The following SNTG1 variants were observed in gnomAD, a reference collection of about 807,000 sequenced individuals.
The protein encoded by SNTG1 is gamma-1-syntrophin.
SNTG1 carries 39 observed loss-of-function variants against 74.7 expected under a neutral mutation model. The ratio of observed to expected loss-of-function variants is 0.52; its 90% CI spans 0.40 to 0.68. The LOEUF is 0.68. SNTG1 is among the 30% of genes least tolerant of loss of function. SNTG1 has a pLI of 0.00. For missense variants in SNTG1, 685 were observed against 609.5 expected (o/e 1.12, Z -1.30); for synonymous variants, 254 against 217.1 (o/e 1.17, Z -1.49).
intron 8 of SNTG1, among the ~76,000 whole-genome samples, chr8:50,460,343 C>T (rs1257982666): frequency 6.6e-6 from 1 of 151,992 alleles, no homozygotes; most frequent in African/African-American, 2.4e-5. Context: ...TTGTTTTTTG[C>T]TTGTTCTATT....
At chr8:50,000,893 T>C (rs1814681430) in intron 1 of SNTG1, among the ~76,000 whole-genome samples, 1 of 152,216 alleles carries the variant, frequency 6.6e-6, no homozygotes, top group African/African-American at 2.4e-5. Flanking sequence ...ATCTGAACTC[T>C]TGGCCCTCTG....
chr8:50,259,498 C>CAA lies in SNTG1; in HGVS notation c.-28+86875_-28+86876dup, dbSNP rs1187091123. Among the ~76,000 whole-genome samples, 116 of 18,402 alleles carry CAA rather than the reference C, an allele frequency of 6.3e-3. 15 individuals carry two copies. Among genetic ancestry groups the CAA allele is most frequent in the African/African-American group, 0.017 (106 of 6,242 alleles). The allele number at this position is 18,402 out of a possible 152,430, so 12.1% of individuals were successfully genotyped here. A position where few individuals can be genotyped will look rare whatever the true frequency, so the allele number is the denominator to read the frequency against. On this transcript the variant is annotated intron_variant, in intron 2 of 18. Coordinates refer to ENST00000642720, the MANE Select transcript of SNTG1 (RefSeq NM_018967.5). ...TGGGCGACAGAGAGAGACGCTGTCT[C>CAA]AAAAAAAAAAAAAGAAAGAAAGAAA...
chr8:50,572,264 A>G (rs2094553195), intron 12 of SNTG1, among the ~76,000 whole-genome samples: 1 of 149,204 alleles, frequency 6.7e-6, no homozygotes, highest in Non-Finnish European at 1.5e-5. Flanking sequence ...TATTTTATAT[A>G]TATATATATA....
intron 4 of SNTG1, among the ~76,000 whole-genome samples, chr8:50,408,744 A>T (rs1325791222): frequency 1.3e-5 from 2 of 152,208 alleles, no homozygotes; most frequent in Admixed American, 6.5e-5. Context: ...CGTCATGCCA[A>T]GTAACCCTCT....
At chr8:50,093,917 T>C (rs769277466) in intron 1 of SNTG1, among the ~76,000 whole-genome samples, 2 of 152,146 alleles carry the variant, frequency 1.3e-5, no homozygotes, top group Non-Finnish European at 2.9e-5. Context: ...CTGAAGATTC[T>C]AGTGTGGTTA....
At chr8:50,267,992 C>A (rs958314152) in intron 2 of SNTG1, among the ~76,000 whole-genome samples, 5 of 152,074 alleles carry the variant, frequency 3.3e-5, no homozygotes, top group Non-Finnish European at 7.4e-5. Flanking sequence ...TTACCAATGA[C>A]GTTTTTGACT....
chr8:50,722,806 T>C (rs1378420943), intron 17 of SNTG1, among the ~76,000 whole-genome samples: 1 of 152,176 alleles, frequency 6.6e-6, no homozygotes, highest in Non-Finnish European at 1.5e-5. Flanking sequence ...AAATATTTAA[T>C]TGTATTTTAA....
At chr8:50,620,387 G>A (rs753994144) in intron 13 of SNTG1, among the ~76,000 whole-genome samples, 2 of 152,142 alleles carry the variant, frequency 1.3e-5, no homozygotes, top group Non-Finnish European at 2.9e-5. Context: ...GAAATTCAGG[G>A]TCATGTCAGC....
intron 1 of SNTG1, among the ~76,000 whole-genome samples, chr8:49,953,748 C>T (rs902274424): frequency 2.0e-5 from 3 of 152,040 alleles, no homozygotes; most frequent in Non-Finnish European, 4.4e-5. Context: ...TTGCTGATGT[C>T]GGGTCGCCCA....
chr8:50,752,411 A>T (rs1354213480), intron 18 of SNTG1, among the ~76,000 whole-genome samples: 1 of 152,004 alleles, frequency 6.6e-6, no homozygotes, highest in Non-Finnish European at 1.5e-5. Context: ...GTCCTTTGGT[A>T]GTTTCATTCT....
intron 2 of SNTG1, among the ~76,000 whole-genome samples, chr8:50,217,064 GACAA>G (rs1197947081): frequency 1.3e-5 from 2 of 151,540 alleles, no homozygotes; most frequent in Non-Finnish European, 2.9e-5. Context: ...CAAATGGGCT[GACAA>G]ACAAATGAAA....
rs1491267451 is a variant in SNTG1 at position 50,084,993 on chromosome 8, AAC to A, written c.-102-87566_-102-87565del. On this transcript the variant is annotated intron_variant, in intron 1 of 18. Transcript: ENST00000642720. ...TATTCTGTTATAGCAGCAGACAAGA[AAC>A]AAAAACAACATGTTTGTAACTACAA... Among the ~76,000 whole-genome samples the A allele has an allele frequency of 8.3e-3, 769 of 92,160 alleles. 5 individuals carry two copies. The highest frequency in any genetic ancestry group is 0.024 in the African/African-American group (703 of 29,322). The allele number at this position is 92,160 out of a possible 152,430, so 60.5% of individuals were successfully genotyped here.
intron 1 of SNTG1, among the ~76,000 whole-genome samples, chr8:50,137,518 A>G (rs961688144): frequency 6.6e-6 from 1 of 152,162 alleles, no homozygotes; most frequent in African/African-American, 2.4e-5. Context: ...GGAGGAGGAC[A>G]GTCACTCATT....
chr8:50,600,959 A>G (rs2130928670), intron 13 of SNTG1, among the ~76,000 whole-genome samples: 1 of 151,556 alleles, frequency 6.6e-6, no homozygotes, highest in African/African-American at 2.4e-5. Context: ...TATGAGGTCA[A>G]GAGATTGAGA....
intron 2 of SNTG1, among the ~76,000 whole-genome samples, chr8:50,331,862 A>G (rs542332655): frequency 2.0e-4 from 30 of 152,334 alleles, no homozygotes; most frequent in African/African-American, 7.0e-4. Flanking sequence ...CTATAATCTA[A>G]AGTGGAGAAG....
intron 17 of SNTG1, among the ~76,000 whole-genome samples, chr8:50,709,865 C>G (rs1202404199): frequency 3.3e-5 from 5 of 152,254 alleles, no homozygotes; most frequent in South Asian, 2.1e-4. Flanking sequence ...TTCCTTCTCA[C>G]TAATTTTAAG....
Position 50,708,976 on chromosome 8 carries a change from A to G in SNTG1, c.1282A>G (p.Lys428Glu), listed in dbSNP as rs558164328. 76 of 1,611,596 alleles carry G rather than the reference A, an allele frequency of 4.7e-5. No individual in the cohort carries two copies. The highest frequency in any genetic ancestry group is 1.6e-4 in the East Asian group (7 of 44,836). The change falls in exon 17 of 19, where the codon AAG becomes GAG. Residue 428 changes from lysine to glutamate, a missense_variant and splice_region_variant. Physicochemically the swap from Lys to Glu is moderately conservative, Grantham distance 56. Coordinates refer to ENST00000642720, the MANE Select transcript of SNTG1 (RefSeq NM_018967.5). ...TGFICFDAAT[K>E]AVLWRYKFSQ... ...ATTTATCTGCTTTGATGCTGCAACAAAGGTAATGTGTTCAGGTCAGCTCTG... is the reference window on the plus strand; with the variant it reads ...ATTTATCTGCTTTGATGCTGCAACAGAGGTAATGTGTTCAGGTCAGCTCTG...
At position 50,547,480 on chromosome 8, in the gene SNTG1, A is replaced by G. The variant is rs142958785; in HGVS notation, c.681-5570A>G. Among the ~76,000 whole-genome samples the G allele has an allele frequency of 1.5e-3, 226 of 152,302 alleles. 1 individual carries two copies. Among genetic ancestry groups the G allele is most frequent in the African/African-American group, 5.2e-3 (218 of 41,572 alleles). On this transcript the variant is annotated intron_variant, in intron 11 of 18. Transcript: ENST00000642720. ...GTCCACTCTTCCTTTGAACAATTCTAGATGAATTTTGTATAGTTCTTTCAA... is the reference window on the plus strand; with the variant it reads ...GTCCACTCTTCCTTTGAACAATTCTGGATGAATTTTGTATAGTTCTTTCAA...
chr8:50,405,286 A>G (rs1394506839), intron 4 of SNTG1, among the ~76,000 whole-genome samples: 2 of 152,068 alleles, frequency 1.3e-5, no homozygotes, highest in African/African-American at 4.8e-5. Context: ...AAGGGTTCCA[A>G]GTTCTCCACA....
Sources: allele counts gnomAD v4.1 joint callset (sites outside exome capture counted in the v4.1 genomes callset), GRCh38; gene constraint gnomAD v4.1.1; transcripts MANE v1.5; gene names NCBI Gene and HGNC (gene_info 2026-07-23, HGNC 2026-07-21).